BIN1: variants seen among roughly 807,000 people sequenced by gnomAD.
BIN1 encodes bridging integrator 1.
In BIN1, 53 loss-of-function variants were observed where a neutral mutation model predicts 82.0. The ratio of observed to expected loss-of-function variants is 0.65; its 90% CI spans 0.52 to 0.81. The LOEUF is 0.81. BIN1 is among the 40% of genes least tolerant of loss of function. The pLI, the probability that BIN1 is intolerant of heterozygous loss-of-function variation, is 0.00. For synonymous variants in BIN1, 302 were observed against 328.0 expected (o/e 0.92, Z 0.86); for missense variants, 642 against 784.4 (o/e 0.82, Z 2.17).
At chr2:127,103,715 G>A (rs1027007355) in intron 1 of BIN1, among the ~76,000 whole-genome samples, 1 of 152,126 alleles carries the variant, frequency 6.6e-6, no homozygotes, top group Non-Finnish European at 1.5e-5. Context: ...CCCATCCCGC[G>A]AGGGGCCCAG....
intron 4 of BIN1, 138 bp downstream of exon 4, chr2:127,070,415 G>T: frequency 9.7e-7 from 1 of 1,033,872 alleles, no homozygotes. Context: ...AGAGAGGGAG[G>T]GCAGCTTGCC....
At position 127,093,025 on chromosome 2, in the gene BIN1, G is replaced by A. The variant is rs1679136785; in HGVS notation, c.84+13835C>T. 1.3e-5 allele frequency among the ~76,000 whole-genome samples: 2 copies of A among 152,078 alleles called. No homozygotes were observed. The highest frequency in any genetic ancestry group is 2.1e-4 in the South Asian group (1 of 4,820). ...AATCCCAGGAGGGAGCCAAAGGAGT[G>A]GGGCACAGCCTGGGGGCCCCCCCAC... On this transcript the variant is annotated intron_variant, in intron 1 of 18. Coordinates refer to ENST00000316724, the MANE Select transcript of BIN1 (RefSeq NM_139343.3). This position sits in a 1 kb window ranked among gnomAD's most constrained non-coding sequence, Gnocchi z 5.7.
At chr2:127,092,748 C>T (rs904578874) in intron 1 of BIN1, among the ~76,000 whole-genome samples, 1 of 152,182 alleles carries the variant, frequency 6.6e-6, no homozygotes, top group African/African-American at 2.4e-5. Context: ...AGTCCTCCTC[C>T]AAAGCTCCCG....
chr2:127,049,681 A>AC lies in BIN1; in HGVS notation c.1674+739dup, dbSNP rs1005041408. Among the ~76,000 whole-genome samples, 3 of 151,818 alleles carry AC rather than the reference A, an allele frequency of 2.0e-5. No homozygotes were observed. The East Asian group carries it at 5.8e-4, about 30-fold the overall frequency. ...GCCAGATGCCCACATGGCACCACCG[A>AC]CCCCCCACAAGCAAAGCTGGCTCTA... On this transcript the variant is annotated intron_variant, in intron 18 of 18. Transcript: ENST00000316724.
At chr2:127,060,782 C>T in intron 10 of BIN1, 4 of 1,132,954 alleles carry the variant, frequency 3.5e-6, no homozygotes, top group Non-Finnish European at 5.2e-6. Context: ...AGAGGCCTTG[C>T]ACAGGGCCTG....
At chr2:127,076,013 C>T (rs560511170) in intron 2 of BIN1, among the ~76,000 whole-genome samples, 25 of 150,486 alleles carry the variant, frequency 1.7e-4, no homozygotes, top group African/African-American at 4.9e-4. Context: ...CAAATGCTCC[C>T]GGCCCTCTCC....
At chr2:127,076,839 C>T (rs1417462881) in intron 1 of BIN1, 133 bp from the exon 2 acceptor site, 2 of 962,150 alleles carry the variant, frequency 2.1e-6, no homozygotes, top group African/African-American at 3.2e-5. Context: ...CCCAGGGTGC[C>T]CACCCAGGGC....
intron 9 of BIN1, among the ~76,000 whole-genome samples, chr2:127,062,794 T>C (rs1219786606): frequency 6.6e-6 from 1 of 152,252 alleles, no homozygotes; most frequent in Non-Finnish European, 1.5e-5. Context: ...TCTCTATTTT[T>C]TAAACTTTTC....
At chr2:127,064,430 T>C (rs181847071) in intron 7 of BIN1, among the ~76,000 whole-genome samples, 1 of 152,308 alleles carries the variant, frequency 6.6e-6, no homozygotes, top group African/African-American at 2.4e-5. Context: ...GCCCTGCCAC[T>C]GCCTTCTGGC....
At position 127,048,379 on chromosome 2, in the gene BIN1, G is replaced by T; in HGVS notation, c.*147C>A. 1.4e-6 allele frequency: 1 copy of T among 740,702 alleles called. No homozygotes were observed. Among genetic ancestry groups the T allele is most frequent in the Non-Finnish European group, 2.2e-6 (1 of 445,378 alleles). 45.9% of individuals were successfully genotyped at this position (740,702 alleles called of 1,614,324 possible). ...TCTTTGGAAAACGACCTAATCTTTG[G>T]GAGAACGCCCCTCTGCCTGGGGGTC... On this transcript the variant is annotated 3_prime_UTR_variant, in exon 19 of 19. Coordinates refer to ENST00000316724, the MANE Select transcript of BIN1 (RefSeq NM_139343.3).
chr2:127,095,866 C>G (rs1399952522), intron 1 of BIN1, among the ~76,000 whole-genome samples: 2 of 152,204 alleles, frequency 1.3e-5, no homozygotes, highest in South Asian at 2.1e-4. Flanking sequence ...GCTCTGCCCC[C>G]CTGAACCTTC....
At chr2:127,050,243 G>A (rs537592617) in intron 18 of BIN1, 178 bp downstream of exon 18, 44 of 668,258 alleles carry the variant, frequency 6.6e-5, no homozygotes, top group Non-Finnish European at 9.2e-5. Context: ...GGAAGGGAGA[G>A]GAGAGGGAGA....
intron 13 of BIN1, 115 bp downstream of exon 13, chr2:127,053,790 G>T: frequency 9.7e-7 from 1 of 1,026,912 alleles, no homozygotes; most frequent in Non-Finnish European, 1.5e-6. Context: ...TGAGGTGCCA[G>T]GGGAAGGGCA....
At chr2:127,080,244 G>A (rs1390497890) in intron 1 of BIN1, among the ~76,000 whole-genome samples, 1 of 152,232 alleles carries the variant, frequency 6.6e-6, no homozygotes, top group Non-Finnish European at 1.5e-5. Flanking sequence ...TGAGCCCTGG[G>A]ACACAGATCT....
rs372302632 is a variant in BIN1 at position 127,050,928 on chromosome 2, C to T, written c.1462-16G>A. Reference sequence around the variant, plus strand: ...GAAGAGAGCTCTGGTGGCAGAGGTACGGGTCAGCTGAGCAGGGAGGTGGTC... The same window carrying T: ...GAAGAGAGCTCTGGTGGCAGAGGTATGGGTCAGCTGAGCAGGGAGGTGGTC... On this transcript the variant is annotated splice_polypyrimidine_tract_variant and intron_variant, in intron 16 of 18. Coordinates refer to ENST00000316724, the MANE Select transcript of BIN1 (RefSeq NM_139343.3). The T allele has an allele frequency of 1.4e-5, 23 of 1,611,216 alleles. 1 individual carries two copies. The highest frequency in any genetic ancestry group is 6.7e-5 in the Admixed American group (4 of 60,006).
At chr2:127,088,611 A>G (rs1035240083) in intron 1 of BIN1, among the ~76,000 whole-genome samples, 4 of 152,058 alleles carry the variant, frequency 2.6e-5, no homozygotes, top group African/African-American at 9.7e-5. Flanking sequence ...GATGGTGTGC[A>G]CCTATAGTCC....
In BIN1 at chr2:127,050,650, A is replaced by T. The variant is rs2071270; in HGVS notation, c.1573-128T>A. On this transcript the variant is annotated intron_variant, in intron 17 of 18. Transcript: ENST00000316724. ...CAGGAGTGCTCAAAAGCAGCAGGAC[A>T]GTATGGGGCTCAGATGCCACCTTGC... 0.36 allele frequency: 473,518 copies of T among 1,311,320 alleles called. 87,707 individuals are homozygous for T. The highest frequency in any genetic ancestry group is 0.48 in the South Asian group (39,593 of 82,074). The allele number at this position is 1,311,320 out of a possible 1,614,324, so 81.2% of individuals were successfully genotyped here.
chr2:127,050,607 A>T, intron 17 of BIN1, 85 bp from the exon 18 acceptor site: 1 of 1,485,538 alleles, frequency 6.7e-7, no homozygotes. Context: ...TGGGAGGTGC[A>T]GGTGGCAGTA....
Position 127,093,590 on chromosome 2 carries a change from T to A in BIN1, c.84+13270A>T, listed in dbSNP as rs1020620611. ...TTAGGTCACACCCGTTGTCCCATCA[T>A]ATGTCTACACGGCTGTCCATTCCTC... On this transcript the variant is annotated intron_variant, in intron 1 of 18. Transcript: ENST00000316724. This position sits in a 1 kb window ranked among gnomAD's most constrained non-coding sequence, Gnocchi z 5.7. Among the ~76,000 whole-genome samples the A allele has an allele frequency of 1.3e-5, 2 of 152,192 alleles. No homozygotes were observed. Among genetic ancestry groups the A allele is most frequent in the Non-Finnish European group, 2.9e-5 (2 of 68,036 alleles).
Sources: allele counts gnomAD v4.1 joint callset (sites outside exome capture counted in the v4.1 genomes callset), GRCh38; gene constraint gnomAD v4.1.1; non-coding constraint Gnocchi (gnomAD v3.1); transcripts MANE v1.5; gene names NCBI Gene and HGNC (gene_info 2026-07-23, HGNC 2026-07-21).